The following UFL1 variants were observed in gnomAD, a reference collection of about 807,000 sequenced individuals.
The protein encoded by UFL1 is E3 UFM1-protein ligase 1.
A neutral mutation model predicts 99.3 loss-of-function variants in UFL1; 78 were observed. That is an observed-to-expected ratio of 0.79 (90% CI 0.65 to 0.95). The LOEUF (loss-of-function observed/expected upper bound fraction) is 0.95, where lower values mean the gene tolerates loss of function less well. UFL1 is among the 40% of genes least tolerant of loss of function. The probability of loss-of-function intolerance (pLI) is 0.00; values close to 1 mark genes in which losing one functional copy is unlikely to be tolerated. For synonymous variants in UFL1, 335 were observed against 322.2 expected (o/e 1.04, Z -0.42); for missense variants, 936 against 937.0 (o/e 1.00, Z 0.01).
chr6:96,539,659 A>G (rs1391671741), intron 10 of UFL1, among the ~76,000 whole-genome samples: 1 of 151,614 alleles, frequency 6.6e-6, no homozygotes, highest in Non-Finnish European at 1.5e-5. Context: ...AAGGATCATG[A>G]TACCTACTAT....
intron 2 of UFL1, 89 bp from the exon 3 acceptor site, chr6:96,524,293 T>A: frequency 7.9e-7 from 1 of 1,270,290 alleles, no homozygotes; most frequent in Admixed American, 2.3e-5. Flanking sequence ...TGCAGGACTT[T>A]GACCAAAACT....
Position 96,521,825 on chromosome 6 carries a change from C to A in UFL1, c.-49C>A, listed in dbSNP as rs1371013059. ...CCGCCTCTCTTCTCCCACCGCCTGT[C>A]GGCTGACGTGTCTGCAGTTCCTCCG... On this transcript the variant is annotated 5_prime_UTR_variant, in exon 1 of 19. Coordinates refer to ENST00000369278, the MANE Select transcript of UFL1 (RefSeq NM_015323.5). 3 of 1,575,686 alleles carry A rather than the reference C, an allele frequency of 1.9e-6. No individual in the cohort carries two copies. The highest frequency in any genetic ancestry group is 2.3e-5 in the South Asian group (2 of 86,218).
intron 5 of UFL1, among the ~76,000 whole-genome samples, chr6:96,527,007 AG>A (rs1242966058): frequency 6.6e-5 from 10 of 152,340 alleles, no homozygotes; most frequent in Non-Finnish European, 1.2e-4. Context: ...TCAGTATGAT[AG>A]GAAGAAGAAC....
Position 96,540,623 on chromosome 6 carries a change from A to T in UFL1, c.1247A>T (p.Asp416Val). 5 of 1,602,596 alleles carry T rather than the reference A, an allele frequency of 3.1e-6. No individual in the cohort carries two copies. Among genetic ancestry groups the T allele is most frequent in the Non-Finnish European group, 4.3e-6 (5 of 1,175,400 alleles). ...TLESVSTSKK[D>V]KKDERRRKAT... The stretch of plus-strand genomic sequence containing the variant: ...GAAAGCGTTAGTACAAGTAAAAAGG[A>T]TAAAAAAGATGAGCGAAGAAGGAAA... The change falls in exon 11 of 19, where the codon GAT (aspartate) becomes GTT (valine). Residue 416 changes from aspartate (D) to valine (V), a missense_variant. Coordinates refer to ENST00000369278, the MANE Select transcript of UFL1 (RefSeq NM_015323.5).
chr6:96,530,276 A>G (rs772801255), intron 6 of UFL1, among the ~76,000 whole-genome samples: 3 of 152,090 alleles, frequency 2.0e-5, no homozygotes, highest in African/African-American at 7.2e-5. Context: ...CTGTTTTTTC[A>G]TGTTATACCT....
Position 96,526,390 on chromosome 6 carries a change from A to G in UFL1, c.420A>G (p.Ser140=), listed in dbSNP as rs778357058. The part of the protein sequence containing the change: ...KLQESGQVTI[S]ELCKTYDLPG... ...AAGAAAGTGGTCAGGTCACCATATC[A>G]GAACTGTGTAAAACTTATGATCTTC... is the stretch of plus-strand genomic sequence containing the variant. Residue 140 remains serine, a synonymous_variant, in exon 5 of 19, where the codon TCA becomes TCG. Transcript: ENST00000369278. The G allele has an allele frequency of 1.1e-5, 17 of 1,613,436 alleles. No homozygotes were observed.
chr6:96,548,576 A>T (rs1254358993), intron 13 of UFL1, among the ~76,000 whole-genome samples: 1 of 151,676 alleles, frequency 6.6e-6, no homozygotes, highest in Non-Finnish European at 1.5e-5. Context: ...AAAGACCGGC[A>T]TTAACCACTG....
rs541993575 is a variant in UFL1, at chr6:96,533,207, TA to T, written c.597-1045del. ...GTCTAGATTCTTTTCTTGTATCCTTTAAAAAAAAAAACTATAGTTATTACAA... is the reference window on the plus strand; with the variant it reads ...GTCTAGATTCTTTTCTTGTATCCTTTAAAAAAAAAACTATAGTTATTACAA... On this transcript the variant is annotated intron_variant, in intron 6 of 18. Coordinates refer to ENST00000369278, the MANE Select transcript of UFL1 (RefSeq NM_015323.5). Among the ~76,000 whole-genome samples the T allele has an allele frequency of 7.6e-3, 1,107 of 145,204 alleles. 12 individuals carry two copies. The highest frequency in any genetic ancestry group is 0.023 in the African/African-American group (923 of 39,862).
intron 17 of UFL1, 78 bp downstream of exon 17, chr6:96,552,001 C>T: frequency 1.0e-6 from 1 of 977,970 alleles, no homozygotes; most frequent in Non-Finnish European, 1.6e-6. Context: ...ATTTGACTGC[C>T]CGGCTCTTAC....
chr6:96,549,095 T>C (rs1011796948), intron 13 of UFL1, among the ~76,000 whole-genome samples: 1 of 151,730 alleles, frequency 6.6e-6, no homozygotes, highest in East Asian at 1.9e-4. Flanking sequence ...TTCCTGAAGA[T>C]GAAGAACAGA....
intron 11 of UFL1, among the ~76,000 whole-genome samples, chr6:96,541,103 TAGAG>T (rs755773594): frequency 6.6e-6 from 1 of 151,410 alleles, no homozygotes; most frequent in Non-Finnish European, 1.5e-5. Context: ...GCCACTTCCT[TAGAG>T]AGGCCTCCTA....
chr6:96,532,819 A>G (rs1769800654), intron 6 of UFL1, among the ~76,000 whole-genome samples: 1 of 152,204 alleles, frequency 6.6e-6, no homozygotes, highest in South Asian at 2.1e-4. Flanking sequence ...GTCTTCTGTT[A>G]TAGCAACACT....
chr6:96,542,829 T>TGTCA, intron 11 of UFL1, 65 bp from the exon 12 acceptor site: 1 of 1,412,138 alleles, frequency 7.1e-7, no homozygotes, highest in East Asian at 2.7e-5. Flanking sequence ...AACAATATAG[T>TGTCA]GTCATTATTT....
At chr6:96,542,719 T>C (rs150127193) in intron 11 of UFL1, among the ~76,000 whole-genome samples, 175 bp from the exon 12 acceptor site, 1 of 151,368 alleles carries the variant, frequency 6.6e-6, no homozygotes, top group African/African-American at 2.4e-5. Flanking sequence ...ATTTTTTATG[T>C]ATTGGATTTA....
At chr6:96,527,813 C>A (rs935066601) in intron 5 of UFL1, among the ~76,000 whole-genome samples, 4 of 152,120 alleles carry the variant, frequency 2.6e-5, no homozygotes, top group Non-Finnish European at 4.4e-5. Flanking sequence ...TTGAAAAAAA[C>A]ATTTTTCTAT....
chr6:96,549,603 G>C, intron 14 of UFL1, 25 bp downstream of exon 14: 1 of 1,591,240 alleles, frequency 6.3e-7, no homozygotes, highest in Non-Finnish European at 8.5e-7. Flanking sequence ...TGTTAATCTT[G>C]TTTTTTCATT....
chr6:96,542,096 A>G (rs909768786), intron 11 of UFL1, among the ~76,000 whole-genome samples: 1 of 151,300 alleles, frequency 6.6e-6, no homozygotes, highest in Non-Finnish European at 1.5e-5. Context: ...AATATGTTCA[A>G]TGGTTTAAAC....
Position 96,521,866 on chromosome 6 carries a change from A to G in UFL1, c.-8A>G. 1 of 1,610,972 alleles carries G rather than the reference A, an allele frequency of 6.2e-7. No homozygotes were observed. The highest frequency in any genetic ancestry group is 8.5e-7 in the Non-Finnish European group (1 of 1,179,056). ...AGTTCCTCCGCGTCTACTGCGAGTC[A>G]GGCCGTGATGGCGGACGCCTGGGAA... is the stretch of plus-strand genomic sequence containing the variant. On this transcript the variant is annotated 5_prime_UTR_variant, in exon 1 of 19. Transcript: ENST00000369278.
At chr6:96,552,788 A>G in intron 18 of UFL1, 126 bp downstream of exon 18, 1 of 830,926 alleles carries the variant, frequency 1.2e-6, no homozygotes, top group Non-Finnish European at 1.8e-6. Flanking sequence ...CATTTCCAAT[A>G]ATGTGAACAG....
Sources: gnomAD v4.1 joint callset for allele counts (sites outside exome capture counted in the v4.1 genomes callset) on GRCh38, gnomAD v4.1.1 for gene constraint, MANE v1.5 for transcripts, NCBI Gene and HGNC (gene_info 2026-07-23, HGNC 2026-07-21) for gene names.